CSMD1: variants seen among roughly 807,000 people sequenced by gnomAD.
The protein encoded by CSMD1 is CUB and Sushi multiple domains 1, also known as CUB and sushi domain-containing protein 1.
CSMD1 carries 213 observed loss-of-function variants against 417.5 expected under a neutral mutation model. The ratio of observed to expected loss-of-function variants is 0.51; its 90% CI spans 0.46 to 0.57. The LOEUF (loss-of-function observed/expected upper bound fraction) is 0.57, where lower values mean the gene tolerates loss of function less well. Ranked by LOEUF, CSMD1 falls within the 20% of genes least tolerant of loss-of-function variation. CSMD1 has a pLI of 0.00. For missense variants in CSMD1, 6,923 were observed against 4,529.7 expected (o/e 1.53, Z -15.17); for synonymous variants, 2,862 against 1,736.8 (o/e 1.65, Z -16.11).
intron 1 of CSMD1, among the ~76,000 whole-genome samples, chr8:4,926,719 G>C (rs1022576506): frequency 6.6e-5 from 10 of 151,892 alleles, no homozygotes; most frequent in Non-Finnish European, 1.0e-4. Context: ...AAACTTTACA[G>C]GACTTTACAA....
intron 2 of CSMD1, among the ~76,000 whole-genome samples, chr8:4,516,923 T>C (rs60277107): frequency 0.23 from 34,662 of 152,028 alleles, 4,182 homozygotes; most frequent in Admixed American, 0.34. Context: ...ATGAATCTCA[T>C]GACTCAGAAT....
At chr8:3,576,870 T>C (rs1800172442) in intron 9 of CSMD1, among the ~76,000 whole-genome samples, 1 of 152,200 alleles carries the variant, frequency 6.6e-6, no homozygotes, top group Non-Finnish European at 1.5e-5. Flanking sequence ...AAACTCTGAG[T>C]TGTAATACCT....
intron 2 of CSMD1, among the ~76,000 whole-genome samples, chr8:4,504,789 A>G (rs1426668334): frequency 6.6e-6 from 1 of 152,168 alleles, no homozygotes; most frequent in Non-Finnish European, 1.5e-5. Flanking sequence ...AGCTTCATCC[A>G]TGTCCCTGCA....
At chr8:4,536,327 A>G (rs1056493843) in intron 2 of CSMD1, among the ~76,000 whole-genome samples, 2 of 152,098 alleles carry the variant, frequency 1.3e-5, no homozygotes, top group African/African-American at 2.4e-5. Flanking sequence ...AGCACACACA[A>G]CTTCCCATTT....
intron 41 of CSMD1, chr8:3,127,370 G>A (rs2129024111): frequency 6.6e-6 from 1 of 152,294 alleles, no homozygotes; most frequent in South Asian, 2.1e-4. Flanking sequence ...GAAAGGAAAA[G>A]GAATGATGCA....
intron 2 of CSMD1, among the ~76,000 whole-genome samples, chr8:4,457,943 C>G (rs1163351705): frequency 6.6e-6 from 1 of 152,136 alleles, no homozygotes; most frequent in Non-Finnish European, 1.5e-5. Context: ...TGTATGTCAA[C>G]CCAGGCAGAA....
At chr8:4,607,919 G>T (rs1563330065) in intron 2 of CSMD1, among the ~76,000 whole-genome samples, 1 of 152,088 alleles carries the variant, frequency 6.6e-6, no homozygotes, top group South Asian at 2.1e-4. Flanking sequence ...TTGGACACTG[G>T]CTAGTGTTGA....
At position 4,883,195 on chromosome 8, in the gene CSMD1, C is replaced by G. The variant is rs191748175; in HGVS notation, c.85+111137G>C. Among the ~76,000 whole-genome samples the G allele has an allele frequency of 1.8e-3, 270 of 152,100 alleles. 3 individuals carry two copies. The highest frequency in any genetic ancestry group is 5.8e-3 in the African/African-American group (242 of 41,464). On this transcript the variant is annotated intron_variant, in intron 1 of 69. Transcript: ENST00000635120. Reference sequence around the variant, plus strand: ...GTGCAAGAATGCTGTAGAATGCTAGCAGAACATGACGTCTACCAGAGCAAC... The same window carrying G: ...GTGCAAGAATGCTGTAGAATGCTAGGAGAACATGACGTCTACCAGAGCAAC...
intron 11 of CSMD1, among the ~76,000 whole-genome samples, chr8:3,486,212 A>G (rs1036853226): frequency 1.3e-5 from 2 of 152,228 alleles, no homozygotes; most frequent in African/African-American, 4.8e-5. Flanking sequence ...GACAGCGATG[A>G]TAACTATAGT....
At chr8:3,238,447 G>T (rs887669348) in intron 26 of CSMD1, among the ~76,000 whole-genome samples, 2 of 152,066 alleles carry the variant, frequency 1.3e-5, no homozygotes, top group Non-Finnish European at 2.9e-5. Flanking sequence ...AAATGAAATA[G>T]TTGTAAAGTG....
At chr8:3,737,420 G>A (rs995817142) in intron 6 of CSMD1, among the ~76,000 whole-genome samples, 6 of 152,162 alleles carry the variant, frequency 3.9e-5, no homozygotes, top group Admixed American at 1.3e-4. Context: ...ATAAAGAAAT[G>A]CAAATTATTT....
At chr8:4,792,398 T>G (rs1797740684) in intron 1 of CSMD1, among the ~76,000 whole-genome samples, 1 of 152,196 alleles carries the variant, frequency 6.6e-6, no homozygotes, top group South Asian at 2.1e-4. Flanking sequence ...CATTTCGTCT[T>G]TTCATCTCTA....
At position 3,729,946 on chromosome 8, in the gene CSMD1, AAAAAAAAAAAAAAAACAAAAAC is replaced by A. The variant is rs1563318538; in HGVS notation, c.932-21477_932-21456del. Among the ~76,000 whole-genome samples the A allele has an allele frequency of 6.2e-4, 12 of 19,224 alleles. 1 individual carries two copies. Among genetic ancestry groups the A allele is most frequent in the South Asian group, 6.8e-3 (2 of 292 alleles). 12.6% of individuals were successfully genotyped at this position (19,224 alleles called of 152,430 possible). On this transcript the variant is annotated intron_variant, in intron 6 of 69. Transcript: ENST00000635120. ...GTAAAAAAAAAAAAAAAAAAAAAAA[AAAAAAAAAAAAAAAACAAAAAC>A]AGAAGAACGGATACATAATAATGTT...
At chr8:4,301,203 A>C (rs562812166) in intron 3 of CSMD1, among the ~76,000 whole-genome samples, 3 of 152,280 alleles carry the variant, frequency 2.0e-5, no homozygotes, top group East Asian at 3.9e-4. Context: ...GTGGTCTGCT[A>C]AACTTTTGGC....
intron 23 of CSMD1, among the ~76,000 whole-genome samples, chr8:3,331,464 G>C (rs1363003834): frequency 1.3e-5 from 2 of 152,172 alleles, no homozygotes; most frequent in Admixed American, 1.3e-4. Context: ...AAGCTCTTGA[G>C]CTTTGGATTA....
chr8:3,510,985 G>A (rs753606242), intron 10 of CSMD1, among the ~76,000 whole-genome samples: 4 of 151,680 alleles, frequency 2.6e-5, no homozygotes, highest in Non-Finnish European at 5.9e-5. Context: ...GAACCCAAAG[G>A]CCCATCAATG....
At chr8:4,332,302 G>A (rs571491842) in intron 3 of CSMD1, among the ~76,000 whole-genome samples, 2 of 152,198 alleles carry the variant, frequency 1.3e-5, no homozygotes, top group Admixed American at 6.5e-5. Flanking sequence ...TCTTGGAGAT[G>A]CTCTTTCAGT....
At chr8:3,300,515 T>C (rs1216457122) in intron 25 of CSMD1, among the ~76,000 whole-genome samples, 1 of 152,218 alleles carries the variant, frequency 6.6e-6, no homozygotes, top group African/African-American at 2.4e-5. Context: ...CTCTGCTTTA[T>C]AGAAAGACTT....
rs184441663 is a variant in CSMD1, at chr8:3,209,263, G to A, written c.4868-3643C>T. Reference sequence around the variant, plus strand: ...ACAACATTTGTGTTAGAAAAATATGGATAGAATTTTTATTTATTTGTTTGT... The same window carrying A: ...ACAACATTTGTGTTAGAAAAATATGAATAGAATTTTTATTTATTTGTTTGT... On this transcript the variant is annotated intron_variant, in intron 30 of 69. Coordinates refer to ENST00000635120, the MANE Select transcript of CSMD1 (RefSeq NM_033225.6). Among the ~76,000 whole-genome samples, 76 of 150,342 alleles carry A rather than the reference G, an allele frequency of 5.1e-4. No homozygotes were observed. The East Asian group carries it at 0.011, about 23-fold the overall frequency.
Sources: allele counts gnomAD v4.1 joint callset (sites outside exome capture counted in the v4.1 genomes callset), GRCh38; gene constraint gnomAD v4.1.1; transcripts MANE v1.5; gene names NCBI Gene and HGNC (gene_info 2026-07-23, HGNC 2026-07-21).